Variants in LRBA observed in about 807,000 individuals in gnomAD.
The protein encoded by LRBA is lipopolysaccharide-responsive and beige-like anchor protein.
A neutral mutation model predicts 330.0 loss-of-function variants in LRBA; 176 were observed. The observed-to-expected ratio is 0.53, with a 90% confidence interval of 0.47 to 0.60. LRBA has a LOEUF of 0.60. Ranked by LOEUF, LRBA falls within the 20% of genes least tolerant of loss-of-function variation. LRBA has a pLI of 0.00. For missense variants in LRBA, 3,259 were observed against 3,444.8 expected (o/e 0.95, Z 1.35); for synonymous variants, 1,230 against 1,193.0 (o/e 1.03, Z -0.64).
At chr4:150,432,453 C>CTGTTTTTTTTTT (rs1750533696) in intron 46 of LRBA, among the ~76,000 whole-genome samples, 1 of 98,438 alleles carries the variant, frequency 1.0e-5, no homozygotes, top group Non-Finnish European at 1.8e-5. Flanking sequence ...TAAGTGTGTT[C>CTGTTTTTTTTTT]TTTTTTTTTT....
intron 2 of LRBA, among the ~76,000 whole-genome samples, chr4:151,005,360 C>T (rs1743892644): frequency 7.6e-6 from 1 of 132,346 alleles, no homozygotes; most frequent in African/African-American, 2.7e-5. Flanking sequence ...ATCCCTTGAA[C>T]CCGGGAGGCG....
intron 26 of LRBA, among the ~76,000 whole-genome samples, chr4:150,847,086 C>T (rs1749954397): frequency 6.6e-6 from 1 of 152,064 alleles, no homozygotes; most frequent in East Asian, 1.9e-4. Flanking sequence ...AAGAAGTATA[C>T]TACAATAGAA....
chr4:150,489,281 T>TATATACGTATATATAATATATTAC (rs1561250503), intron 41 of LRBA, among the ~76,000 whole-genome samples: 2 of 39,010 alleles, frequency 5.1e-5, no homozygotes, highest in Non-Finnish European at 9.2e-5. Flanking sequence ...TAATATATTA[T>TATATACGTATATATAATATATTAC]ATATAAGAAT....
intron 17 of LRBA, among the ~76,000 whole-genome samples, chr4:150,891,231 C>A (rs759370719): frequency 1.9e-4 from 29 of 152,102 alleles, no homozygotes; most frequent in African/African-American, 4.6e-4. Context: ...AAACATATGT[C>A]CATACAAATA....
intron 40 of LRBA, chr4:150,581,340 C>T (rs1431326445): frequency 2.2e-6 from 1 of 449,360 alleles, no homozygotes; most frequent in Admixed American, 2.4e-5. Context: ...CCAACCCTCA[C>T]TGGTGCACAT....
chr4:150,843,022 G>A (rs751914725), intron 28 of LRBA, among the ~76,000 whole-genome samples: 5 of 152,082 alleles, frequency 3.3e-5, no homozygotes, highest in African/African-American at 4.8e-5. Context: ...GTTCACAATA[G>A]GGTTCGTGCT....
At chr4:150,973,851 A>G (rs984516508) in intron 2 of LRBA, among the ~76,000 whole-genome samples, 7 of 152,204 alleles carry the variant, frequency 4.6e-5, no homozygotes, top group African/African-American at 1.7e-4. Context: ...AGCAAAAGAA[A>G]CTTGAGCATC....
chr4:150,696,408 T>C (rs540082787), intron 36 of LRBA, among the ~76,000 whole-genome samples: 6 of 152,294 alleles, frequency 3.9e-5, no homozygotes, highest in African/African-American at 9.6e-5. Flanking sequence ...AGCAAGTTAT[T>C]TGAAACCCTG....
At chr4:150,783,624 T>G (rs1006533965) in intron 34 of LRBA, among the ~76,000 whole-genome samples, 1 of 152,196 alleles carries the variant, frequency 6.6e-6, no homozygotes, top group African/African-American at 2.4e-5. Context: ...GAATGCACTG[T>G]GTTGTATCCA....
intron 17 of LRBA, among the ~76,000 whole-genome samples, chr4:150,880,512 C>T (rs1728246122): frequency 7.9e-6 from 1 of 126,660 alleles, no homozygotes; most frequent in African/African-American, 2.6e-5. Context: ...AGAGCAATAC[C>T]CTGTCTCCAA....
chr4:150,525,821 G>A (rs1344422340), intron 40 of LRBA, among the ~76,000 whole-genome samples: 1 of 152,024 alleles, frequency 6.6e-6, no homozygotes, highest in Non-Finnish European at 1.5e-5. Context: ...GGCAAGGAAA[G>A]CCGTTACAGA....
At chr4:150,592,935 A>G (rs1256185262) in intron 38 of LRBA, among the ~76,000 whole-genome samples, 1 of 148,742 alleles carries the variant, frequency 6.7e-6, no homozygotes, top group Non-Finnish European at 1.5e-5. Context: ...CACCTGGCCT[A>G]TTTTTTTTTT....
rs1172311661 is a variant in LRBA, at chr4:150,639,765, ATATATATATATATATATGTG to A, written c.5922-40654_5922-40635del. On this transcript the variant is annotated intron_variant, in intron 37 of 56. Transcript: ENST00000651943. ...TATATATATATATATATATATATAT[ATATATATATATATATATGTG>A]TGTGTGTATATATATATATATGTGT... 8.8e-3 allele frequency among the ~76,000 whole-genome samples: 47 copies of A among 5,348 alleles called. 4 individuals are homozygous for A. The highest frequency in any genetic ancestry group is 0.027 in the African/African-American group (47 of 1,746). The allele number at this position is 5,348 out of a possible 152,430, so 3.5% of individuals were successfully genotyped here.
At chr4:150,954,685 T>C (rs1737325048) in intron 2 of LRBA, among the ~76,000 whole-genome samples, 1 of 149,104 alleles carries the variant, frequency 6.7e-6, no homozygotes, top group South Asian at 2.1e-4. Context: ...CACATGTTTA[T>C]CTGCTGACCT....
chr4:150,849,604 T>C (rs773274970), intron 24 of LRBA, 29 bp from the exon 25 acceptor site: 1 of 1,585,218 alleles, frequency 6.3e-7, no homozygotes, highest in Non-Finnish European at 8.6e-7. Context: ...TATTTACTGA[T>C]AAAGCTAAAG....
chr4:150,661,083 A>T (rs1349521118), intron 37 of LRBA, among the ~76,000 whole-genome samples: 2 of 147,434 alleles, frequency 1.4e-5, no homozygotes, highest in African/African-American at 5.1e-5. Context: ...TAAATTAAAA[A>T]AAAAAAAAAA....
rs569222551 is a variant in LRBA at position 150,655,529 on chromosome 4, C to T, written c.5921+28022G>A. Among the ~76,000 whole-genome samples, 7 of 152,304 alleles carry T rather than the reference C, an allele frequency of 4.6e-5. No individual in the cohort carries two copies. In the South Asian group the frequency reaches 1.4e-3, roughly 32 times the overall value. ...GCATATGTAATTTTGGTAGATACTGCTAAATTGCTTTCACTACAAGCTTGT... is the reference window on the plus strand; with the variant it reads ...GCATATGTAATTTTGGTAGATACTGTTAAATTGCTTTCACTACAAGCTTGT... On this transcript the variant is annotated intron_variant, in intron 37 of 56. Transcript: ENST00000651943.
intron 34 of LRBA, among the ~76,000 whole-genome samples, chr4:150,779,847 CA>C (rs1329014422): frequency 1.4e-4 from 21 of 152,026 alleles, no homozygotes; most frequent in Non-Finnish European, 7.4e-5. Flanking sequence ...TATGTTACAC[CA>C]GTTTAAAAGA....
chr4:150,786,523 C>T (rs1247452747), intron 34 of LRBA, among the ~76,000 whole-genome samples: 1 of 152,136 alleles, frequency 6.6e-6, no homozygotes, highest in African/African-American at 2.4e-5. Flanking sequence ...AGATTACAGG[C>T]ATGAGCCACT....
Sources: allele counts gnomAD v4.1 joint callset (sites outside exome capture counted in the v4.1 genomes callset), GRCh38; gene constraint gnomAD v4.1.1; transcripts MANE v1.5; gene names NCBI Gene and HGNC (gene_info 2026-07-23, HGNC 2026-07-21).